BANF2: variants seen among roughly 807,000 people sequenced by gnomAD.
The protein encoded by BANF2 is barrier-to-autointegration factor-like protein.
BANF2 carries 4 observed loss-of-function variants against 8.0 expected under a neutral mutation model. That is an observed-to-expected ratio of 0.50 (90% CI 0.25 to 1.14). The LOEUF (loss-of-function observed/expected upper bound fraction) is 1.14. Among genes scored for constraint, BANF2 ranks in the 50% most tolerant of loss-of-function variants. The probability of loss-of-function intolerance (pLI) is 0.16; values close to 1 mark genes in which losing one functional copy is unlikely to be tolerated. For synonymous variants in BANF2, 50 were observed against 40.6 expected (o/e 1.23, Z -0.88); for missense variants, 96 against 107.5 (o/e 0.89, Z 0.47).
intron 1 of BANF2, 61 bp downstream of exon 1, chr20:17,700,116 T>A: frequency 2.9e-6 from 2 of 681,578 alleles, no homozygotes; most frequent in Non-Finnish European, 3.6e-6. Flanking sequence ...GCTGGCTGTC[T>A]TAGCACTTTA....
chr20:17,703,258 C>A (rs1405646484), intron 1 of BANF2, among the ~76,000 whole-genome samples: 1 of 152,180 alleles, frequency 6.6e-6, no homozygotes, highest in African/African-American at 2.4e-5. Context: ...TCTGAAGTTA[C>A]GTTTGTGTGT....
intron 1 of BANF2, among the ~76,000 whole-genome samples, chr20:17,718,981 C>T (rs1244216576): frequency 6.6e-6 from 1 of 152,144 alleles, no homozygotes; most frequent in African/African-American, 2.4e-5. Context: ...GTATGATGGC[C>T]AAGTGCTTAA....
chr20:17,697,898 G>A (rs1382182461), upstream of BANF2, among the ~76,000 whole-genome samples: 1 of 152,190 alleles, frequency 6.6e-6, no homozygotes, highest in South Asian at 2.1e-4. Flanking sequence ...TGTGAGAGCT[G>A]GCTGTTTAAA....
chr20:17,731,759 G>GAAAAAAAA (rs58645809), intron 3 of BANF2, among the ~76,000 whole-genome samples: 27 of 95,030 alleles, frequency 2.8e-4, no homozygotes, highest in Admixed American at 5.0e-4. Flanking sequence ...CGTCTCTTAG[G>GAAAAAAAA]AAAAAAAAAA....
At chr20:17,728,157 C>T (rs78924276) in intron 3 of BANF2, among the ~76,000 whole-genome samples, 336 of 152,268 alleles carry the variant, frequency 2.2e-3, no homozygotes, top group African/African-American at 7.7e-3. Context: ...CCCCTGCTCC[C>T]CGTCCCACCC....
intron 1 of BANF2, among the ~76,000 whole-genome samples, chr20:17,708,317 G>A (rs748471603): frequency 6.6e-6 from 1 of 152,166 alleles, no homozygotes; most frequent in African/African-American, 2.4e-5. Context: ...TGTGCAAGGG[G>A]GCATTTTTCT....
Position 17,730,357 on chromosome 20 carries a change from C to T in BANF2, c.126+5206C>T, listed in dbSNP as rs144071702. 8.5e-4 allele frequency among the ~76,000 whole-genome samples: 130 copies of T among 152,240 alleles called. 2 individuals carry two copies. In the East Asian group the frequency reaches 0.022, roughly 26 times the overall value. ...GGGTCTGGACACCAAGTCATTGTGC[C>T]GTCTGCCCCTAAAACTGAAGCTGTG... On this transcript the variant is annotated intron_variant, in intron 3 of 3. Transcript: ENST00000246090.
chr20:17,702,200 T>C (rs1257018518), intron 1 of BANF2, among the ~76,000 whole-genome samples: 1 of 152,162 alleles, frequency 6.6e-6, no homozygotes, highest in Non-Finnish European at 1.5e-5. Flanking sequence ...TCTCCTTTCT[T>C]AGCCTTTCCC....
intron 1 of BANF2, among the ~76,000 whole-genome samples, chr20:17,712,766 G>A (rs181441112): frequency 2.6e-5 from 4 of 152,020 alleles, no homozygotes; most frequent in Admixed American, 2.6e-4. Context: ...AGAGAGAGGC[G>A]GGATCAGAAT....
chr20:17,695,146 T>C (rs1368958389), upstream of BANF2, among the ~76,000 whole-genome samples: 1 of 152,042 alleles, frequency 6.6e-6, no homozygotes. Flanking sequence ...AAAATGAACA[T>C]TTTTCATTCT....
intron 1 of BANF2, among the ~76,000 whole-genome samples, chr20:17,694,601 CTTTTTTTTTTT>C (rs869067650): frequency 4.9e-4 from 13 of 26,740 alleles, no homozygotes; most frequent in African/African-American, 8.7e-4. Context: ...TTTTCTCTCT[CTTTTTTTTTTT>C]TTTTTTTTTT....
intron 3 of BANF2, among the ~76,000 whole-genome samples, chr20:17,730,153 C>G (rs2037870921): frequency 6.6e-6 from 1 of 152,196 alleles, no homozygotes; most frequent in Non-Finnish European, 1.5e-5. Flanking sequence ...TCAAGCACCT[C>G]TAAGTGCATT....
chr20:17,707,800 G>A (rs180780366), intron 1 of BANF2, among the ~76,000 whole-genome samples: 4 of 151,830 alleles, frequency 2.6e-5, no homozygotes, highest in Admixed American at 2.0e-4. Flanking sequence ...GGCTGGTCTC[G>A]AACTTCTGAC....
chr20:17,732,329 C>G (rs200824619), intron 3 of BANF2, among the ~76,000 whole-genome samples: 1 of 152,184 alleles, frequency 6.6e-6, no homozygotes, highest in Non-Finnish European at 1.5e-5. Context: ...ACTGTTTGCA[C>G]TTGGAGTTTA....
At chr20:17,709,474 T>G (rs1046484381) in intron 1 of BANF2, among the ~76,000 whole-genome samples, 4 of 152,152 alleles carry the variant, frequency 2.6e-5, no homozygotes, top group African/African-American at 9.7e-5. Flanking sequence ...GCCTTCGATA[T>G]CCTATGAGTG....
At chr20:17,716,543 C>T (rs911009603) in intron 1 of BANF2, among the ~76,000 whole-genome samples, 1 of 150,682 alleles carries the variant, frequency 6.6e-6, no homozygotes, top group East Asian at 1.9e-4. Context: ...CAGGCTCACC[C>T]GTCTTTCCTT....
At chr20:17,699,053 G>C (rs899630136), upstream of BANF2, among the ~76,000 whole-genome samples, 17 of 152,232 alleles carry the variant, frequency 1.1e-4, no homozygotes, top group Non-Finnish European at 7.3e-5. Flanking sequence ...GACCTAATGA[G>C]TCAGAAACTT....
At chr20:17,714,062 C>T (rs1049018342) in intron 1 of BANF2, among the ~76,000 whole-genome samples, 4 of 151,494 alleles carry the variant, frequency 2.6e-5, no homozygotes, top group African/African-American at 9.7e-5. Context: ...AAAAATTAGC[C>T]AGGCATGGTG....
At chr20:17,712,669 T>A in intron 1 of BANF2, 1 of 480,064 alleles carries the variant, frequency 2.1e-6, no homozygotes, top group Non-Finnish European at 2.7e-6. Context: ...GCAGAGAAGG[T>A]AGATTCTCCC....
Sources: gnomAD v4.1 joint callset for allele counts (sites outside exome capture counted in the v4.1 genomes callset) on GRCh38, gnomAD v4.1.1 for gene constraint, MANE v1.5 for transcripts, NCBI Gene and HGNC (gene_info 2026-07-23, HGNC 2026-07-21) for gene names.